KIR2DL3: variants seen among roughly 807,000 people sequenced by gnomAD.
KIR2DL3 encodes the protein killer cell immunoglobulin-like receptor 2DL3.
In KIR2DL3, 39 loss-of-function variants were observed where a neutral mutation model predicts 33.8. The observed-to-expected ratio is 1.15, with a 90% CI of 0.89 to 1.51. KIR2DL3 has a LOEUF of 1.51. Among genes scored for constraint, KIR2DL3 ranks in the 40% most tolerant of loss-of-function variants. KIR2DL3 has a pLI of 0.00. For missense variants in KIR2DL3, 462 were observed against 426.2 expected (o/e 1.08, Z -0.74); for synonymous variants, 174 against 160.2 (o/e 1.09, Z -0.65).
At chr19:54,738,712 CT>C in intron 1 of KIR2DL3, 133 bp downstream of exon 1, 1 of 737,266 alleles carries the variant, frequency 1.4e-6, no homozygotes. Context: ...AGATCTGGGC[CT>C]GGAGTGGAGA....
At chr19:54,740,366 A>G (rs2070795671) in intron 2 of KIR2DL3, among the ~76,000 whole-genome samples, 1 of 151,674 alleles carries the variant, frequency 6.6e-6, no homozygotes, top group South Asian at 2.1e-4. Flanking sequence ...GGGTTTAACA[A>G]CTTCAGTCTG....
chr19:54,744,410 C>T (rs2071862832), intron 4 of KIR2DL3, among the ~76,000 whole-genome samples: 2 of 152,166 alleles, frequency 1.3e-5, no homozygotes, highest in Admixed American at 1.3e-4. Context: ...TTCCCAGAAG[C>T]CCATCCTGGC....
intron 5 of KIR2DL3, among the ~76,000 whole-genome samples, chr19:54,750,666 T>C (rs79782603): frequency 0.099 from 9,952 of 100,052 alleles, 648 homozygotes; most frequent in South Asian, 0.18. Context: ...GCACCTGGGC[T>C]TATGCCAATT....
chr19:54,747,236 A>G, intron 4 of KIR2DL3, 99 bp from the exon 5 acceptor site: 4 of 1,460,562 alleles, frequency 2.7e-6, no homozygotes, highest in Non-Finnish European at 3.8e-6. Context: ...GCCCAATATT[A>G]GATAACAGAG....
intron 5 of KIR2DL3, among the ~76,000 whole-genome samples, chr19:54,747,618 T>A (rs945014857): frequency 2.6e-5 from 4 of 152,272 alleles, no homozygotes; most frequent in African/African-American, 9.6e-5. Flanking sequence ...AGAAGAATGA[T>A]TGCCAATCTG....
chr19:54,744,580 G>T (rs1326079838), intron 4 of KIR2DL3, among the ~76,000 whole-genome samples: 3 of 150,146 alleles, frequency 2.0e-5, no homozygotes, highest in African/African-American at 7.4e-5. Flanking sequence ...ATGCTGGAGT[G>T]CAGTGGCACA....
Position 54,742,074 on chromosome 19 carries a change from T to C in KIR2DL3, c.165T>C (p.Phe55=), listed in dbSNP as rs1224571581. 1.9e-6 allele frequency: 3 copies of C among 1,613,594 alleles called. No individual in the cohort carries two copies. The highest frequency in any genetic ancestry group is 2.5e-6 in the Non-Finnish European group (3 of 1,179,826). The part of the protein sequence containing the change: ...VILQCWSDVR[F]QHFLLHREGK... ...TGCAATGTTGGTCAGATGTCAGGTT[T>C]CAGCACTTCCTTCTGCACAGAGAAG... Residue 55 remains phenylalanine, a synonymous_variant, in exon 3 of 8, where the codon TTT becomes TTC. Coordinates refer to ENST00000342376, the MANE Select transcript of KIR2DL3 (RefSeq NM_015868.3).
At chr19:54,741,577 C>T (rs1318943183) in intron 2 of KIR2DL3, among the ~76,000 whole-genome samples, 7 of 152,042 alleles carry the variant, frequency 4.6e-5, no homozygotes, top group South Asian at 4.2e-4. Flanking sequence ...CTGGTGCCTG[C>T]CTTATTCATC....
intron 4 of KIR2DL3, among the ~76,000 whole-genome samples, chr19:54,744,890 A>ATG (rs1555906287): frequency 6.9e-5 from 4 of 57,850 alleles, no homozygotes; most frequent in African/African-American, 2.6e-4. Context: ...ATATATATAT[A>ATG]TATATATACA....
chr19:54,749,108 G>A (rs111634971), intron 5 of KIR2DL3, among the ~76,000 whole-genome samples: 22,012 of 149,426 alleles, frequency 0.15, 2 homozygotes, highest in African/African-American at 0.22. Context: ...ACAATCTGAT[G>A]TGGAAGGAAG....
chr19:54,740,800 T>C (rs1383542937), intron 2 of KIR2DL3, among the ~76,000 whole-genome samples: 1 of 145,890 alleles, frequency 6.9e-6, no homozygotes, highest in East Asian at 2.0e-4. Context: ...ATGGAGCTCA[T>C]GGGGAGACAG....
At chr19:54,742,616 C>T (rs1324242225) in intron 3 of KIR2DL3, among the ~76,000 whole-genome samples, 1 of 151,934 alleles carries the variant, frequency 6.6e-6, no homozygotes. Flanking sequence ...TCTGTTTTAC[C>T]TCCACAAAGT....
At chr19:54,750,384 C>T (rs184551395) in intron 5 of KIR2DL3, among the ~76,000 whole-genome samples, 2 of 142,134 alleles carry the variant, frequency 1.4e-5, no homozygotes, top group Admixed American at 1.5e-4. Flanking sequence ...CTTCCCCCAG[C>T]CTCTCGGGTA....
intron 5 of KIR2DL3, among the ~76,000 whole-genome samples, chr19:54,748,771 G>A (rs1445448248): frequency 1.4e-5 from 2 of 145,520 alleles, no homozygotes; most frequent in African/African-American, 2.6e-5. Flanking sequence ...ACAGGCAACT[G>A]CCACCGTGCC....
At position 54,738,597 on chromosome 19, in the gene KIR2DL3, A is replaced by T. The variant is rs774491734; in HGVS notation, c.34+18A>T. The T allele has an allele frequency of 6.2e-7, 1 of 1,614,010 alleles. No individual in the cohort carries two copies. The highest frequency in any genetic ancestry group is 8.5e-7 in the Non-Finnish European group (1 of 1,179,982). ...GTGTGTTGGTGAGTCCTGGAAGGGC[A>T]TCGAGGGAGGGAGTGCGGGGATGGA... On this transcript the variant is annotated intron_variant, in intron 1 of 7. Coordinates refer to ENST00000342376, the MANE Select transcript of KIR2DL3 (RefSeq NM_015868.3).
At chr19:54,751,142 G>A (rs2073359339) in intron 5 of KIR2DL3, among the ~76,000 whole-genome samples, 1 of 132,532 alleles carries the variant, frequency 7.5e-6, no homozygotes, top group South Asian at 2.7e-4. Flanking sequence ...TCTCGTGACG[G>A]CCTCAGGCTG....
chr19:54,744,909 CACATATATAAACATATAT>C (rs1265612147), intron 4 of KIR2DL3, among the ~76,000 whole-genome samples: 1 of 41,584 alleles, frequency 2.4e-5, no homozygotes, highest in African/African-American at 8.0e-5. Context: ...CACACACACA[CACATATATAAACATATAT>C]ATATATATAT....
chr19:54,741,897 A>C, intron 2 of KIR2DL3, 83 bp from the exon 3 acceptor site: 2 of 1,349,462 alleles, frequency 1.5e-6, no homozygotes, highest in East Asian at 2.3e-5. Flanking sequence ...AGACACCAGC[A>C]AGGGGAAGCC....
intron 5 of KIR2DL3, among the ~76,000 whole-genome samples, 199 bp from the exon 6 acceptor site, chr19:54,751,450 T>A (rs1200683657): frequency 7.6e-6 from 1 of 132,020 alleles, no homozygotes; most frequent in South Asian, 2.7e-4. Flanking sequence ...TCAACTAAAG[T>A]AGTTGTATCC....
Sources: gnomAD v4.1 joint callset for allele counts (sites outside exome capture counted in the v4.1 genomes callset) on GRCh38, gnomAD v4.1.1 for gene constraint, MANE v1.5 for transcripts, NCBI Gene and HGNC (gene_info 2026-07-23, HGNC 2026-07-21) for gene names.